DDX24: variants seen among roughly 807,000 people sequenced by gnomAD.
The protein encoded by DDX24 is ATP-dependent RNA helicase DDX24.
In DDX24, 24 loss-of-function variants were observed where a neutral mutation model predicts 68.9. That is an observed-to-expected ratio of 0.35 (90% CI 0.25 to 0.49). The LOEUF is 0.49. DDX24 is among the 20% of genes least tolerant of loss of function. DDX24 has a pLI of 0.99. For synonymous variants in DDX24, 395 were observed against 385.2 expected (o/e 1.03, Z -0.30); for missense variants, 989 against 1,039.0 (o/e 0.95, Z 0.66).
intron 2 of DDX24, among the ~76,000 whole-genome samples, chr14:94,072,766 T>C (rs756659114): frequency 1.4e-4 from 22 of 152,072 alleles, no homozygotes; most frequent in Non-Finnish European, 2.5e-4. Flanking sequence ...AAGGTGGAGA[T>C]TGCAGTGAGC....
At chr14:94,079,874 T>G in intron 1 of DDX24, 127 bp from the exon 2 acceptor site, 2 of 826,186 alleles carry the variant, frequency 2.4e-6, no homozygotes, top group Non-Finnish European at 1.9e-6. Context: ...ATCACACAGT[T>G]GCTCCCACCT....
intron 4 of DDX24, 147 bp from the exon 5 acceptor site, chr14:94,060,760 C>T (rs868119722): frequency 1.4e-4 from 206 of 1,451,348 alleles, no homozygotes; most frequent in Middle Eastern, 8.2e-4. Flanking sequence ...CAACTAATCT[C>T]CCTCATGCAC....
chr14:94,060,711 C>G (rs1263568343), intron 4 of DDX24, 98 bp from the exon 5 acceptor site: 7 of 1,488,622 alleles, frequency 4.7e-6, no homozygotes, highest in Non-Finnish European at 6.4e-6. Flanking sequence ...CACACACACA[C>G]ACGTACACAC....
At chr14:94,062,065 G>C (rs546014043) in intron 3 of DDX24, 32 bp downstream of exon 3, 3 of 1,565,386 alleles carry the variant, frequency 1.9e-6, no homozygotes, top group South Asian at 1.2e-5. Context: ...GATTTACCTA[G>C]AAAATATTTA....
rs766939385 is a variant in DDX24 at position 94,051,348 on chromosome 14, T to C, written c.2423A>G (p.Lys808Arg). The change falls in exon 9 of 9, where the codon AAG becomes AGG. Residue 808 changes from lysine (K) to arginine (R), a missense_variant. Physicochemically the swap from Lys to Arg is conservative, Grantham distance 26. Transcript: ENST00000621632. ...QPLFTESQKTKYPTQSGKPPL... is the reference protein window; with the variant it reads ...QPLFTESQKTRYPTQSGKPPL... The stretch of plus-strand genomic sequence containing the variant: ...CGGCTTGCCAGACTGAGTGGGATAC[T>C]TGGTTTTCTGGCTCTCCGTAAACAG... 5.6e-6 allele frequency: 9 copies of C among 1,613,340 alleles called. No individual in the cohort carries two copies. The highest frequency in any genetic ancestry group is 6.8e-6 in the Non-Finnish European group (8 of 1,179,888).
Position 94,060,577 on chromosome 14 carries a change from C to T in DDX24, c.1434G>A (p.Glu478=). The T allele has an allele frequency of 6.2e-7, 1 of 1,614,050 alleles. No homozygotes were observed. The highest frequency in any genetic ancestry group is 8.5e-7 in the Non-Finnish European group (1 of 1,179,934). ...LVVDEADRMV[E]KGHFAELSQL... is the part of the protein sequence containing the mutation. ...GTGAGAGCTCAGCAAAATGGCCTTTCTCAACCATCCGGTCAGCCTCATCCA... is the reference window on the plus strand; with the variant it reads ...GTGAGAGCTCAGCAAAATGGCCTTTTTCAACCATCCGGTCAGCCTCATCCA... Residue 478 remains glutamate, a synonymous_variant, in exon 5 of 9, where the codon GAG becomes GAA. Transcript: ENST00000621632.
intron 2 of DDX24, among the ~76,000 whole-genome samples, chr14:94,069,091 A>G (rs1885775033): frequency 6.6e-6 from 1 of 152,180 alleles, no homozygotes; most frequent in Non-Finnish European, 1.5e-5. Context: ...GTTCTTTGAA[A>G]AGATAAATAA....
chr14:94,069,768 T>A (rs902140313), intron 2 of DDX24, among the ~76,000 whole-genome samples: 1 of 152,146 alleles, frequency 6.6e-6, no homozygotes, highest in African/African-American at 2.4e-5. Context: ...AATCACATGA[T>A]CTCAATAGAT....
Position 94,079,022 on chromosome 14 carries a change from T to C in DDX24, c.718+3A>G. 2.5e-6 allele frequency: 4 copies of C among 1,611,142 alleles called. No individual in the cohort carries two copies. The highest frequency in any genetic ancestry group is 3.4e-6 in the Non-Finnish European group (4 of 1,178,120). On this transcript the variant is annotated splice_donor_region_variant and intron_variant, in intron 2 of 8. Transcript: ENST00000621632. ...ATCCTGCTTTGGCCAGAGTTGCCCT[T>C]ACCTGTCTCAGCAGCCCCAAGGATG...
Position 94,049,905 on chromosome 14 carries a change from G to A in DDX24, c.*1286C>T, listed in dbSNP as rs8022756. Reference sequence around the variant, plus strand: ...GCAAGACCCTGTCTCAAAAAAAAAAGAAAATTATTTCTCAGGACCTTCAAG... The same window carrying A: ...GCAAGACCCTGTCTCAAAAAAAAAAAAAAATTATTTCTCAGGACCTTCAAG... On this transcript the variant is annotated 3_prime_UTR_variant, in exon 9 of 9. Coordinates refer to ENST00000621632, the MANE Select transcript of DDX24 (RefSeq NM_020414.4). 0.38 allele frequency: 42,673 copies of A among 112,922 alleles called. 6,879 individuals carry two copies. Among genetic ancestry groups the A allele is most frequent in the African/African-American group, 0.55 (18,307 of 33,428 alleles). The allele number at this position is 112,922 out of a possible 1,614,324, so 7.0% of individuals were successfully genotyped here. A position where few individuals can be genotyped will look rare whatever the true frequency, so the allele number is the denominator to read the frequency against.
At chr14:94,061,858 G>A (rs2141426731) in intron 3 of DDX24, among the ~76,000 whole-genome samples, 1 of 152,252 alleles carries the variant, frequency 6.6e-6, no homozygotes, top group South Asian at 2.1e-4. Flanking sequence ...GCTAATCCCT[G>A]CCCTGAGCAT....
In DDX24 at chr14:94,062,101, A is replaced by T. The variant is rs1443489393; in HGVS notation, c.1239T>A (p.Phe413Leu). ...TTAAATGGAACTAAACCTCACCTGTAAACCTGGCCACAGCATCAATGTGCT... is the reference window on the plus strand; with the variant it reads ...TTAAATGGAACTAAACCTCACCTGTTAACCTGGCCACAGCATCAATGTGCT... The part of the protein sequence containing the change: ...VKQHIDAVAR[F>L]TGIKTAILVG... The change falls in exon 3 of 9, where the codon TTT becomes TTA. Residue 413 changes from phenylalanine to leucine, a missense_variant. Around this residue, in one of 3 missense-constraint regions of DDX24, gnomAD observed 691 missense variants for 760.0 expected, o/e 0.91. Transcript: ENST00000621632. 1 of 1,607,818 alleles carries T rather than the reference A, an allele frequency of 6.2e-7. No homozygotes were observed. Among genetic ancestry groups the T allele is most frequent in the East Asian group, 2.2e-5 (1 of 44,716 alleles).
intron 6 of DDX24, 132 bp from the exon 7 acceptor site, chr14:94,055,316 A>G (rs1885472839): frequency 1.2e-6 from 1 of 841,284 alleles, no homozygotes; most frequent in Non-Finnish European, 1.8e-6. Context: ...AGCATTGTAG[A>G]GCAATCTAGC....
At position 94,060,101 on chromosome 14, in the gene DDX24, T is replaced by C; in HGVS notation, c.1910A>G (p.Glu637Gly). Reference sequence around the variant, plus strand: ...TCTGGGGACAGTCCTAACTTACTCTTCCAGACGGGCAAACTGCTCCAGGTT... The same window carrying C: ...TCTGGGGACAGTCCTAACTTACTCTCCCAGACGGGCAAACTGCTCCAGGTT... ...LRNLEQFARL[E>G]DCVLLATDVA... Residue 637 changes from glutamate to glycine, a missense_variant, in exon 5 of 9, where the codon GAA becomes GGA. This residue lies in a region of DDX24 where 691 missense variants were observed against 760.0 expected (regional missense o/e 0.91). Transcript: ENST00000621632. The C allele has an allele frequency of 6.2e-7, 1 of 1,611,608 alleles. No homozygotes were observed. Among genetic ancestry groups the C allele is most frequent in the Non-Finnish European group, 8.5e-7 (1 of 1,178,226 alleles).
intron 4 of DDX24, 96 bp from the exon 5 acceptor site, chr14:94,060,709 C>A: frequency 6.7e-7 from 1 of 1,486,244 alleles, no homozygotes; most frequent in Non-Finnish European, 9.1e-7. Context: ...CACACACACA[C>A]ACACGTACAC....
intron 1 of DDX24, 42 bp from the exon 2 acceptor site, chr14:94,079,789 A>G: frequency 6.4e-7 from 1 of 1,561,068 alleles, no homozygotes; most frequent in Admixed American, 1.7e-5. Flanking sequence ...GTGTCTGAGA[A>G]GCAGAGGGTT....
rs1399922749 is a variant in DDX24, at chr14:94,079,561, G to A, written c.182C>T (p.Pro61Leu). 6 of 1,614,162 alleles carry A rather than the reference G, an allele frequency of 3.7e-6. No homozygotes were observed. The highest frequency in any genetic ancestry group is 3.3e-5 in the South Asian group (3 of 91,078). The change falls in exon 2 of 9, where the codon CCT (proline) becomes CTT (leucine). Residue 61 changes from proline to leucine, a missense_variant. Pro to Leu is a moderately conservative substitution (Grantham distance 98). Coordinates refer to ENST00000621632, the MANE Select transcript of DDX24 (RefSeq NM_020414.4). ...EELTDYQLVS[P>L]AKNPSSLFSK... ...GAAGAGACTGGAGGGATTCTTGGCA[G>A]GGGAGACCAACTGGTAATCTGTCAA...
intron 2 of DDX24, among the ~76,000 whole-genome samples, chr14:94,073,909 G>C (rs1595380101): frequency 6.6e-6 from 1 of 152,010 alleles, no homozygotes; most frequent in South Asian, 2.1e-4. Context: ...CGGGCATGGT[G>C]GTGGGCACCT....
intron 2 of DDX24, among the ~76,000 whole-genome samples, chr14:94,070,201 C>G (rs1212389891): frequency 6.6e-6 from 1 of 152,004 alleles, no homozygotes; most frequent in Non-Finnish European, 1.5e-5. Flanking sequence ...AAATCAGTAG[C>G]TCTTTTATAC....
Sources: gnomAD v4.1 joint callset for allele counts (sites outside exome capture counted in the v4.1 genomes callset) on GRCh38, gnomAD v4.1.1 for gene constraint, gnomAD v4.1.1 regional missense constraint, MANE v1.5 for transcripts, NCBI Gene and HGNC (gene_info 2026-07-23, HGNC 2026-07-21) for gene names.